DNAH2: variants seen among roughly 807,000 people sequenced by gnomAD.
DNAH2 encodes dynein axonemal heavy chain 2.
DNAH2 carries 323 observed loss-of-function variants against 523.5 expected under a neutral mutation model. The observed-to-expected ratio is 0.62, with a 90% CI of 0.56 to 0.68. The LOEUF (loss-of-function observed/expected upper bound fraction) is 0.68, where lower values mean the gene tolerates loss of function less well. Among genes scored for constraint, DNAH2 ranks in the 30% least tolerant of loss-of-function variants. The pLI, the probability that DNAH2 is intolerant of heterozygous loss-of-function variation, is 0.00. For missense variants in DNAH2, 4,907 were observed against 5,701.5 expected (o/e 0.86, Z 4.49); for synonymous variants, 2,093 against 2,177.4 (o/e 0.96, Z 1.08).
chr17:7,823,293 TC>T (rs2077913159), intron 73 of DNAH2, 148 bp from the exon 74 acceptor site: 3 of 499,670 alleles, frequency 6.0e-6, no homozygotes, highest in East Asian at 3.3e-5. Context: ...AGACTCCATC[TC>T]AAAAAAAAAA....
At chr17:7,827,699 G>A (rs2078058304) in intron 77 of DNAH2, among the ~76,000 whole-genome samples, 1 of 151,898 alleles carries the variant, frequency 6.6e-6, no homozygotes, top group Admixed American at 6.6e-5. Context: ...ACCCGCCTCA[G>A]CCTTCCAAAC....
At chr17:7,803,705 T>C (rs1597716708) in intron 58 of DNAH2, among the ~76,000 whole-genome samples, 1 of 151,692 alleles carries the variant, frequency 6.6e-6, no homozygotes, top group African/African-American at 2.4e-5. Flanking sequence ...GCAGGTGCAG[T>C]GGCTCATGCC....
At chr17:7,808,014 C>T (rs1048052392) in intron 63 of DNAH2, among the ~76,000 whole-genome samples, 8 of 152,086 alleles carry the variant, frequency 5.3e-5, no homozygotes, top group Admixed American at 2.0e-4. Context: ...GACGGGCTCT[C>T]CCAGAGGCCA....
chr17:7,721,860 A>G (rs1335867656), intron 2 of DNAH2, among the ~76,000 whole-genome samples: 2 of 152,128 alleles, frequency 1.3e-5, no homozygotes, highest in East Asian at 1.9e-4. Flanking sequence ...TGGTTTGGAG[A>G]AGGGCTGATT....
intron 18 of DNAH2, 123 bp downstream of exon 18, chr17:7,761,055 G>T: frequency 8.1e-7 from 1 of 1,238,148 alleles, no homozygotes; most frequent in South Asian, 1.5e-5. Flanking sequence ...CTCAATGACA[G>T]GAAAAGAACA....
Position 7,823,531 on chromosome 17 carries a change from G to A in DNAH2, c.11232G>A (p.Leu3744=), listed in dbSNP as rs2077925526. 5.0e-6 allele frequency: 8 copies of A among 1,614,008 alleles called. No individual in the cohort carries two copies. The highest frequency in any genetic ancestry group is 6.8e-6 in the Non-Finnish European group (8 of 1,180,032). ...ATAACATCACAGAGCTAGACAAACTGACCAACTTCCACGGACTCATGAACT... is the reference window on the plus strand; with the variant it reads ...ATAACATCACAGAGCTAGACAAACTAACCAACTTCCACGGACTCATGAACT... The part of the protein sequence containing the change: ...YWDNITELDK[L]TNFHGLMNSF... The change falls in exon 74 of 86, where the codon CTG becomes CTA. Residue 3744 remains leucine, a synonymous_variant. Transcript: ENST00000572933.
In DNAH2 at chr17:7,740,912, C is replaced by T. The variant is rs745975035; in HGVS notation, c.1609C>T (p.Leu537=). 9.9e-6 allele frequency: 16 copies of T among 1,613,830 alleles called. No homozygotes were observed. The Admixed American group carries it at 2.7e-4, about 27-fold the overall frequency. Residue 537 remains leucine, a synonymous_variant, in exon 11 of 86, where the codon CTG becomes TTG. Transcript: ENST00000572933. ...TGAACGGAACAAGAAATGGCCAGAC[C>T]TGGAGCCCTACGTGGCCCAGTATTC... ...NRERNKKWPD[L]EPYVAQYSGK...
At chr17:7,819,514 C>T in intron 72 of DNAH2, 106 bp downstream of exon 72, 1 of 1,207,758 alleles carries the variant, frequency 8.3e-7, no homozygotes, top group East Asian at 2.5e-5. Context: ...CAGCCTGCCG[C>T]TGTCCTTGGC....
At position 7,830,798 on chromosome 17, in the gene DNAH2, C is replaced by A; in HGVS notation, c.12186C>A (p.Ile4062=). 6.2e-7 allele frequency: 1 copy of A among 1,614,110 alleles called. No individual in the cohort carries two copies. Among genetic ancestry groups the A allele is most frequent in the East Asian group, 2.2e-5 (1 of 44,888 alleles). Residue 4062 remains isoleucine (I), a synonymous_variant, in exon 79 of 86, where the codon ATC becomes ATA. Coordinates refer to ENST00000572933, the MANE Select transcript of DNAH2 (RefSeq NM_020877.5). The stretch of plus-strand genomic sequence containing the variant: ...ACCGGCGCCTGCTGACCACCTACAT[C>A]AATGATTATTTCTGTGACCAGTCTC... ...DWDRRLLTTY[I]NDYFCDQSLS...
In DNAH2 at chr17:7,794,369, C is replaced by T; in HGVS notation, c.7674+11C>T. 2 of 1,599,972 alleles carry T rather than the reference C, an allele frequency of 1.3e-6. No individual in the cohort carries two copies. Among genetic ancestry groups the T allele is most frequent in the Non-Finnish European group, 8.5e-7 (1 of 1,172,864 alleles). The stretch of plus-strand genomic sequence containing the variant: ...ATGACCTTCCCCACAGTGAGGACCT[C>T]ATGGGGGCTGCAGGACGAGGGGAGG... On this transcript the variant is annotated intron_variant, in intron 49 of 85. Coordinates refer to ENST00000572933, the MANE Select transcript of DNAH2 (RefSeq NM_020877.5).
At chr17:7,768,950 G>T (rs1264458223) in intron 24 of DNAH2, among the ~76,000 whole-genome samples, 2 of 152,116 alleles carry the variant, frequency 1.3e-5, no homozygotes, top group African/African-American at 4.8e-5. Context: ...TTCATCGCTT[G>T]ATGGACACTT....
chr17:7,775,597 A>T (rs905776635), intron 30 of DNAH2, among the ~76,000 whole-genome samples: 1 of 151,868 alleles, frequency 6.6e-6, no homozygotes, highest in Non-Finnish European at 1.5e-5. Context: ...AGGCAGGAGA[A>T]TCACTTGAAC....
At position 7,727,195 on chromosome 17, in the gene DNAH2, T is replaced by C; in HGVS notation, c.302T>C (p.Ile101Thr). The change falls in exon 4 of 86, where the codon ATT becomes ACT. Residue 101 changes from isoleucine to threonine, a missense_variant. Around this residue, in one of 3 missense-constraint regions of DNAH2, gnomAD observed 2,806 missense variants for 3,190.8 expected, o/e 0.88. Coordinates refer to ENST00000572933, the MANE Select transcript of DNAH2 (RefSeq NM_020877.5). Reference protein sequence around the residue: ...DAVWTQEHDAILEHFAQDPTE... With the variant: ...DAVWTQEHDATLEHFAQDPTE... ...GTGTGGACACAGGAGCATGATGCCATTCTGGAACACTTTGCCCAGGACCCT... is the reference window on the plus strand; with the variant it reads ...GTGTGGACACAGGAGCATGATGCCACTCTGGAACACTTTGCCCAGGACCCT... 6.2e-7 allele frequency: 1 copy of C among 1,608,884 alleles called. No homozygotes were observed. The highest frequency in any genetic ancestry group is 8.5e-7 in the Non-Finnish European group (1 of 1,178,102).
Position 7,798,822 on chromosome 17 carries a change from C to A in DNAH2, c.8559+104C>A. On this transcript the variant is annotated intron_variant, in intron 55 of 85. Coordinates refer to ENST00000572933, the MANE Select transcript of DNAH2 (RefSeq NM_020877.5). The surrounding 1 kb of genome is among the most constrained non-coding windows in gnomAD (Gnocchi z 5.5). ...ATGTGCCACTGGCACACCCCCACTG[C>A]CACACCCCCACTGCCCACCTCAGCC... The A allele has an allele frequency of 1.3e-6, 1 of 743,556 alleles. No individual in the cohort carries two copies. Among genetic ancestry groups the A allele is most frequent in the Non-Finnish European group, 2.0e-6 (1 of 498,890 alleles). The allele number at this position is 743,556 out of a possible 1,614,324, so 46.1% of individuals were successfully genotyped here. A position where few individuals can be genotyped will look rare whatever the true frequency, so the allele number is the denominator to read the frequency against.
chr17:7,782,965 G>A (rs369863222), intron 39 of DNAH2, among the ~76,000 whole-genome samples: 4 of 152,312 alleles, frequency 2.6e-5, no homozygotes, highest in African/African-American at 9.6e-5. Flanking sequence ...AGTAATCCTC[G>A]GGGTGTTGGT....
chr17:7,763,779 G>T, intron 18 of DNAH2, 52 bp from the exon 19 acceptor site: 2 of 1,606,244 alleles, frequency 1.2e-6, no homozygotes, highest in Non-Finnish European at 1.7e-6. Context: ...GGGGACAGAG[G>T]GTATGTCTGC....
At chr17:7,784,608 T>A (rs539949685) in intron 39 of DNAH2, among the ~76,000 whole-genome samples, 79 of 152,260 alleles carry the variant, frequency 5.2e-4, no homozygotes, top group African/African-American at 1.8e-3. Flanking sequence ...TAGAAAATTG[T>A]TGGACCATGT....
chr17:7,737,929 G>T lies in DNAH2; in HGVS notation c.1170+671G>T, dbSNP rs376589283. 1.3e-4 allele frequency: 94 copies of T among 700,922 alleles called. No homozygotes were observed. The African/African-American group carries it at 1.4e-3, about 11-fold the overall frequency. 43.4% of individuals were successfully genotyped at this position (700,922 alleles called of 1,614,324 possible). On this transcript the variant is annotated intron_variant, in intron 8 of 85. Coordinates refer to ENST00000572933, the MANE Select transcript of DNAH2 (RefSeq NM_020877.5). The stretch of plus-strand genomic sequence containing the variant: ...AGAGAAGGAGTTGGGTGTCAAGGAG[G>T]TGGGGACAGAGGCTGTGGGGACTCC...
chr17:7,777,039 G>A (rs918346292), intron 32 of DNAH2, 150 bp downstream of exon 32: 2 of 626,132 alleles, frequency 3.2e-6, no homozygotes, highest in Non-Finnish European at 5.6e-6. Context: ...ACAAAAATTA[G>A]CTGGTGGCAC....
Sources: allele counts gnomAD v4.1 joint callset (sites outside exome capture counted in the v4.1 genomes callset), GRCh38; gene constraint gnomAD v4.1.1; regional missense constraint gnomAD v4.1.1; non-coding constraint Gnocchi (gnomAD v3.1); transcripts MANE v1.5; gene names NCBI Gene and HGNC (gene_info 2026-07-23, HGNC 2026-07-21).